The following COL5A1 variants were observed in gnomAD, a reference collection of about 807,000 sequenced individuals.
The protein encoded by COL5A1 is collagen alpha-1(V) chain.
COL5A1 carries 16 observed loss-of-function variants against 263.7 expected under a neutral mutation model. The ratio of observed to expected loss-of-function variants is 0.06; its 90% CI spans 0.04 to 0.09. The LOEUF (loss-of-function observed/expected upper bound fraction) is 0.09, where lower values mean the gene tolerates loss of function less well. Among genes scored for constraint, COL5A1 ranks in the 10% least tolerant of loss-of-function variants. COL5A1 has a pLI of 1.00. For synonymous variants in COL5A1, 1,012 were observed against 1,004.5 expected (o/e 1.01, Z -0.14); for missense variants, 2,036 against 2,540.5 (o/e 0.80, Z 4.27).
At chr9:134,833,999 G>A (rs1839751565) in intron 64 of COL5A1, among the ~76,000 whole-genome samples, 1 of 152,278 alleles carries the variant, frequency 6.6e-6, no homozygotes, top group East Asian at 1.9e-4. Context: ...TGACCCAAAG[G>A]ACAGCAGTGG....
At position 134,765,365 on chromosome 9, in the gene COL5A1, G is replaced by A. The variant is rs1836624202; in HGVS notation, c.2035-316G>A. On this transcript the variant is annotated intron_variant, in intron 20 of 65. Coordinates refer to ENST00000371817, the MANE Select transcript of COL5A1 (RefSeq NM_000093.5). The surrounding 1 kb of genome is among the most constrained non-coding windows in gnomAD (Gnocchi z 5.1). Reference sequence around the variant, plus strand: ...GTGGTGATTCTCTGGGGGAGCGTCTGCTCACCTGCCCCAGCAAGTGTCAGA... The same window carrying A: ...GTGGTGATTCTCTGGGGGAGCGTCTACTCACCTGCCCCAGCAAGTGTCAGA... 6.6e-6 allele frequency among the ~76,000 whole-genome samples: 1 copy of A among 152,146 alleles called. No individual in the cohort carries two copies. The highest frequency in any genetic ancestry group is 2.1e-4 in the South Asian group (1 of 4,836).
chr9:134,831,046 C>T (rs11999245), intron 64 of COL5A1, among the ~76,000 whole-genome samples: 33,983 of 152,182 alleles, frequency 0.22, 3,966 homozygotes, highest in Non-Finnish European at 0.26. Flanking sequence ...GGCCCCACTC[C>T]CAGGTGGTCC....
intron 4 of COL5A1, among the ~76,000 whole-genome samples, chr9:134,715,617 G>C (rs1588465152): frequency 6.6e-6 from 1 of 152,174 alleles, no homozygotes; most frequent in Non-Finnish European, 1.5e-5. Context: ...TGTGTCCCTA[G>C]GTACTTGAGA....
chr9:134,681,981 C>T lies in COL5A1; in HGVS notation c.110-8931C>T, dbSNP rs977267115. Among the ~76,000 whole-genome samples, 50 of 152,224 alleles carry T rather than the reference C, an allele frequency of 3.3e-4. No homozygotes were observed. The highest frequency in any genetic ancestry group is 1.2e-3 in the African/African-American group (49 of 41,526). ...CCTCCCTCTCTCTCTCTCTTGCTCT[C>T]TGTCTGTCCCCACAGCTGCCTTCCC... On this transcript the variant is annotated intron_variant, in intron 1 of 65. Transcript: ENST00000371817. This position sits in a 1 kb window ranked among gnomAD's most constrained non-coding sequence, Gnocchi z 4.3.
intron 62 of COL5A1, among the ~76,000 whole-genome samples, chr9:134,825,506 C>T (rs1839228527): frequency 6.6e-6 from 1 of 152,112 alleles, no homozygotes; most frequent in Middle Eastern, 3.2e-3. Context: ...CATTTCTGTC[C>T]ACCCAGAGAG....
In COL5A1 at chr9:134,818,202, C is replaced by T. The variant is rs1005071367; in HGVS notation, c.4230+371C>T. ...GAAGTGGACCGTGTCCGATGGTGAC[C>T]GTGTCTGCTGCGGGGCCCGTGCAGA... is the stretch of plus-strand genomic sequence containing the variant. On this transcript the variant is annotated intron_variant, in intron 54 of 65. Coordinates refer to ENST00000371817, the MANE Select transcript of COL5A1 (RefSeq NM_000093.5). The surrounding 1 kb of genome is among the most constrained non-coding windows in gnomAD (Gnocchi z 6.0). 9.9e-5 allele frequency among the ~76,000 whole-genome samples: 15 copies of T among 152,214 alleles called. No individual in the cohort carries two copies. The highest frequency in any genetic ancestry group is 1.9e-4 in the Non-Finnish European group (13 of 68,032).
At chr9:134,666,411 T>G (rs1209689132) in intron 1 of COL5A1, among the ~76,000 whole-genome samples, 1 of 152,204 alleles carries the variant, frequency 6.6e-6, no homozygotes, top group Non-Finnish European at 1.5e-5. Flanking sequence ...GAGTGGCTTT[T>G]GGCCTCAGGC....
intron 34 of COL5A1, among the ~76,000 whole-genome samples, chr9:134,795,866 G>C (rs569328750): frequency 1.3e-5 from 2 of 152,210 alleles, no homozygotes; most frequent in Admixed American, 1.3e-4. Context: ...GCTGGGATGA[G>C]TCTTCCAAGG....
At chr9:134,664,247 T>C (rs1832292703) in intron 1 of COL5A1, among the ~76,000 whole-genome samples, 1 of 152,134 alleles carries the variant, frequency 6.6e-6, no homozygotes, top group Non-Finnish European at 1.5e-5. Context: ...ACTTTAAAAA[T>C]GAAACCATAA....
chr9:134,804,848 G>A (rs1838237516), intron 39 of COL5A1, 127 bp from the exon 40 acceptor site: 1 of 803,152 alleles, frequency 1.2e-6, no homozygotes, highest in African/African-American at 1.7e-5. Context: ...GCCTCGCTCT[G>A]GGACTGGTGA....
At chr9:134,717,127 C>CT (rs1564407976) in intron 4 of COL5A1, among the ~76,000 whole-genome samples, 1 of 152,054 alleles carries the variant, frequency 6.6e-6, no homozygotes, top group South Asian at 2.1e-4. Context: ...CCCCTGGCAG[C>CT]TGGAATGGGG....
rs142811494 is a variant in COL5A1 at position 134,709,090 on chromosome 9, G to A, written c.654+7757G>A. The stretch of plus-strand genomic sequence containing the variant: ...TCCATCTGCAGTGATCTTATTTCTG[G>A]ACAAGGTCACCTGTGGATCTAGATT... On this transcript the variant is annotated intron_variant, in intron 4 of 65. Coordinates refer to ENST00000371817, the MANE Select transcript of COL5A1 (RefSeq NM_000093.5). 1.6e-3 allele frequency: 605 copies of A among 384,358 alleles called. 2 individuals are homozygous for A. The highest frequency in any genetic ancestry group is 0.011 in the African/African-American group (534 of 48,044). 23.8% of individuals were successfully genotyped at this position (384,358 alleles called of 1,614,324 possible). A position where few individuals can be genotyped will look rare whatever the true frequency, so the allele number is the denominator to read the frequency against.
intron 18 of COL5A1, among the ~76,000 whole-genome samples, chr9:134,759,544 CACACACACTCAT>C (rs1388099319): frequency 1.1e-4 from 4 of 35,968 alleles, no homozygotes; most frequent in African/African-American, 6.0e-4. Flanking sequence ...CACACATGCG[CACACACACTCAT>C]ACACACATGC....
At chr9:134,784,011 C>T (rs1402340352) in intron 29 of COL5A1, among the ~76,000 whole-genome samples, 1 of 152,184 alleles carries the variant, frequency 6.6e-6, no homozygotes, top group Non-Finnish European at 1.5e-5. Context: ...GTGGAGCTCT[C>T]GTTGCCATGG....
intron 2 of COL5A1, among the ~76,000 whole-genome samples, chr9:134,692,933 C>T (rs866310638): frequency 1.3e-5 from 2 of 151,918 alleles, no homozygotes; most frequent in East Asian, 1.9e-4. Context: ...ATTAGCTGGA[C>T]GTGGTGGTGC....
At position 134,812,470 on chromosome 9, in the gene COL5A1, G is replaced by A. The variant is rs1458798353; in HGVS notation, c.3712G>A (p.Glu1238Lys). ...GLQGLPGPPG[E>K]KGETGDVGQM... is the part of the protein sequence containing the mutation. ...TCAGGGTTTGCCAGGACCTCCAGGCGAGAAGGGTGAGACAGGAGACGTGGG... is the reference window on the plus strand; with the variant it reads ...TCAGGGTTTGCCAGGACCTCCAGGCAAGAAGGGTGAGACAGGAGACGTGGG... Residue 1238 changes from glutamate to lysine, a missense_variant, in exon 47 of 66, where the codon GAG becomes AAG. Physicochemically the swap from Glu to Lys is moderately conservative, Grantham distance 56 (BLOSUM62 1). This residue lies in a region of COL5A1 where 1,078 missense variants were observed against 1,521.4 expected (regional missense o/e 0.71). Transcript: ENST00000371817. 2.5e-6 allele frequency: 4 copies of A among 1,614,152 alleles called. No individual in the cohort carries two copies. In the South Asian group the frequency reaches 3.3e-5, roughly 13 times the overall value.
At chr9:134,656,240 G>A (rs1831967350) in intron 1 of COL5A1, among the ~76,000 whole-genome samples, 1 of 152,154 alleles carries the variant, frequency 6.6e-6, no homozygotes, top group Admixed American at 6.5e-5. Context: ...AGGGTACTTT[G>A]GGAAACTCTG....
At chr9:134,827,939 T>C (rs1839357557) in intron 63 of COL5A1, among the ~76,000 whole-genome samples, 2 of 152,204 alleles carry the variant, frequency 1.3e-5, no homozygotes, top group African/African-American at 4.8e-5. Context: ...GAGAGGCAGA[T>C]GGGACACCCC....
chr9:134,708,835 C>T (rs1039992429), intron 4 of COL5A1: 5 of 456,540 alleles, frequency 1.1e-5, no homozygotes, highest in Non-Finnish European at 2.2e-5. Context: ...GAGGTGTGGG[C>T]GGGGCCGTGC....
Sources: gnomAD v4.1 joint callset for allele counts (sites outside exome capture counted in the v4.1 genomes callset) on GRCh38, gnomAD v4.1.1 for gene constraint, gnomAD v4.1.1 regional missense constraint, Gnocchi (gnomAD v3.1) non-coding constraint, MANE v1.5 for transcripts, NCBI Gene and HGNC (gene_info 2026-07-23, HGNC 2026-07-21) for gene names.